PDGFC: variants seen among roughly 807,000 people sequenced by gnomAD.
The protein encoded by PDGFC is platelet-derived growth factor C.
In PDGFC, 12 loss-of-function variants were observed where a neutral mutation model predicts 35.5. That is an observed-to-expected ratio of 0.34 (90% confidence interval 0.22 to 0.55). The LOEUF is 0.55. Ranked by LOEUF, PDGFC falls within the 20% of genes least tolerant of loss-of-function variation. The pLI is 0.91. For synonymous variants in PDGFC, 159 were observed against 148.8 expected (o/e 1.07, Z -0.50); for missense variants, 322 against 412.4 (o/e 0.78, Z 1.90).
At chr4:156,947,984 T>C (rs1236526083) in intron 1 of PDGFC, among the ~76,000 whole-genome samples, 4 of 151,802 alleles carry the variant, frequency 2.6e-5, no homozygotes, top group Non-Finnish European at 4.4e-5. Context: ...TAAGTGTGAA[T>C]AGCAAGTCTC....
chr4:156,818,197 T>C (rs577181547), intron 2 of PDGFC, among the ~76,000 whole-genome samples: 21 of 150,972 alleles, frequency 1.4e-4, no homozygotes, highest in African/African-American at 5.1e-4. Context: ...TAATCAAATA[T>C]AATTTGATTA....
intron 1 of PDGFC, among the ~76,000 whole-genome samples, chr4:156,896,227 G>A (rs1560862124): frequency 1.3e-5 from 2 of 152,056 alleles, no homozygotes; most frequent in Non-Finnish European, 2.9e-5. Flanking sequence ...TAATGCCTAA[G>A]GTTAGATATA....
At chr4:156,969,966 G>A (rs977944528) in intron 1 of PDGFC, among the ~76,000 whole-genome samples, 2 of 152,184 alleles carry the variant, frequency 1.3e-5, no homozygotes, top group Non-Finnish European at 2.9e-5. Context: ...TAAATCATAT[G>A]GGTTCAGAGG....
At chr4:156,774,643 G>C (rs1730776304) in intron 3 of PDGFC, among the ~76,000 whole-genome samples, 1 of 148,102 alleles carries the variant, frequency 6.8e-6, no homozygotes, top group Non-Finnish European at 1.5e-5. Context: ...GGCCAACAAT[G>C]ATTTCATCCT....
In PDGFC at chr4:156,776,942, C is replaced by T. The variant is rs547885320; in HGVS notation, c.496-4049G>A. Among the ~76,000 whole-genome samples the T allele has an allele frequency of 4.4e-4, 67 of 152,246 alleles. 1 individual carries two copies. The highest frequency in any genetic ancestry group is 1.4e-3 in the African/African-American group (59 of 41,538). On this transcript the variant is annotated intron_variant, in intron 3 of 5. Coordinates refer to ENST00000502773, the MANE Select transcript of PDGFC (RefSeq NM_016205.3). ...ACATGTAAAAATTCTACTTAATTAT[C>T]AGATACAAGAGGGTCCAATACAGCT...
rs377489528 is a variant in PDGFC at position 156,789,342 on chromosome 4, A to C, written c.496-16449T>G. 3.3e-5 allele frequency among the ~76,000 whole-genome samples: 5 copies of C among 152,244 alleles called. No homozygotes were observed. The East Asian group carries it at 9.6e-4, about 29-fold the overall frequency. ...TTCACTTGAAAACTCTTTGCCTCTGAGAAGGCACATGATGTACAAATTTGT... is the reference window on the plus strand; with the variant it reads ...TTCACTTGAAAACTCTTTGCCTCTGCGAAGGCACATGATGTACAAATTTGT... On this transcript the variant is annotated intron_variant, in intron 3 of 5. Transcript: ENST00000502773.
intron 2 of PDGFC, among the ~76,000 whole-genome samples, chr4:156,837,770 G>A (rs534057158): frequency 6.6e-6 from 1 of 152,294 alleles, no homozygotes; most frequent in Admixed American, 6.5e-5. Context: ...ATAAGAGGCA[G>A]GAAAATAGGT....
chr4:156,904,501 A>C (rs1217079250), intron 1 of PDGFC, among the ~76,000 whole-genome samples: 2 of 152,060 alleles, frequency 1.3e-5, no homozygotes, highest in African/African-American at 4.8e-5. Flanking sequence ...AATAGCCTTC[A>C]TTTCTCTATT....
intron 1 of PDGFC, among the ~76,000 whole-genome samples, chr4:156,929,926 G>A (rs532169603): frequency 6.6e-6 from 1 of 152,106 alleles, no homozygotes; most frequent in East Asian, 1.9e-4. Context: ...CACACAAGTA[G>A]AAATGTTAAA....
At chr4:156,793,497 G>C (rs1412525564) in intron 3 of PDGFC, among the ~76,000 whole-genome samples, 2 of 143,702 alleles carry the variant, frequency 1.4e-5, no homozygotes, top group Non-Finnish European at 3.0e-5. Flanking sequence ...CATATAGTAA[G>C]GTTAAGTACT....
At chr4:156,908,504 A>T (rs1026358012) in intron 1 of PDGFC, among the ~76,000 whole-genome samples, 4 of 152,134 alleles carry the variant, frequency 2.6e-5, no homozygotes, top group Non-Finnish European at 4.4e-5. Flanking sequence ...ATTTTTTCTT[A>T]TTCTAAGTAA....
chr4:156,914,271 G>C (rs1323535218), intron 1 of PDGFC, among the ~76,000 whole-genome samples: 2 of 152,068 alleles, frequency 1.3e-5, no homozygotes, highest in Admixed American at 6.6e-5. Context: ...CCAGAACCAA[G>C]TGTGCTTCTA....
At chr4:156,909,620 T>C (rs1010210265) in intron 1 of PDGFC, among the ~76,000 whole-genome samples, 2 of 152,164 alleles carry the variant, frequency 1.3e-5, no homozygotes, top group African/African-American at 4.8e-5. Context: ...TATACACACA[T>C]GTATTTCCAC....
chr4:156,766,637 T>A (rs1418174925), intron 5 of PDGFC, among the ~76,000 whole-genome samples: 3 of 152,076 alleles, frequency 2.0e-5, no homozygotes, highest in Non-Finnish European at 4.4e-5. Flanking sequence ...CTAAATAAAA[T>A]AACATGAAAT....
intron 1 of PDGFC, among the ~76,000 whole-genome samples, chr4:156,885,160 C>CAT (rs1730345521): frequency 7.6e-6 from 1 of 132,160 alleles, no homozygotes. Flanking sequence ...CATACATACA[C>CAT]ACACACACAC....
chr4:156,942,383 TA>T (rs1409149542), intron 1 of PDGFC, among the ~76,000 whole-genome samples: 1 of 152,020 alleles, frequency 6.6e-6, no homozygotes, highest in Non-Finnish European at 1.5e-5. Flanking sequence ...CACTATAATT[TA>T]ACAGGTGGCA....
intron 1 of PDGFC, among the ~76,000 whole-genome samples, chr4:156,874,285 A>G (rs1730056584): frequency 6.6e-6 from 1 of 152,200 alleles, no homozygotes; most frequent in African/African-American, 2.4e-5. Context: ...AATAGACACC[A>G]TAAAATTACC....
At chr4:156,880,756 G>A (rs1019437802) in intron 1 of PDGFC, among the ~76,000 whole-genome samples, 3 of 152,164 alleles carry the variant, frequency 2.0e-5, no homozygotes, top group Non-Finnish European at 4.4e-5. Flanking sequence ...AAAGAGATGT[G>A]AAAATAGCAA....
chr4:156,881,001 G>A (rs1730228607), intron 1 of PDGFC, among the ~76,000 whole-genome samples: 1 of 152,188 alleles, frequency 6.6e-6, no homozygotes, highest in Non-Finnish European at 1.5e-5. Context: ...GGTATTGAGA[G>A]TGTTGATTCC....
Sources: gnomAD v4.1 joint callset for allele counts (sites outside exome capture counted in the v4.1 genomes callset) on GRCh38, gnomAD v4.1.1 for gene constraint, MANE v1.5 for transcripts, NCBI Gene and HGNC (gene_info 2026-07-23, HGNC 2026-07-21) for gene names.